Variants in RANBP2 observed in about 807,000 individuals in gnomAD.
The protein encoded by RANBP2 is E3 SUMO-protein ligase RanBP2.
Under a neutral mutation model 303.6 loss-of-function variants are expected in RANBP2, and 57 were observed. The ratio of observed to expected loss-of-function variants is 0.19; its 90% CI spans 0.15 to 0.23. RANBP2 has a LOEUF of 0.23. Among genes scored for constraint, RANBP2 ranks in the 10% least tolerant of loss-of-function variants. The pLI is 1.00. For missense variants in RANBP2, 3,138 were observed against 3,780.8 expected (o/e 0.83, Z 4.46); for synonymous variants, 1,167 against 1,301.5 (o/e 0.90, Z 2.23).
At chr2:109,128,843 G>C in the RANBP2 span, 443 of 244,624 alleles carry the variant, frequency 1.8e-3, 11 homozygotes, top group South Asian at 0.015. Context: ...CTGCGCAGGA[G>C]AGGTTCCCCG....
the RANBP2 span, among the ~76,000 whole-genome samples, chr2:109,091,627 C>T: frequency 9.7e-3 from 1,480 of 152,272 alleles, 35 homozygotes; most frequent in African/African-American, 0.034. Context: ...TCCCGGATTG[C>T]CCCTGTGGCT....
the RANBP2 span, chr2:108,906,320 C>T: frequency 6.2e-7 from 1 of 1,614,168 alleles, no homozygotes; most frequent in Admixed American, 1.7e-5. Flanking sequence ...TCCACGACTC[C>T]ACACACGTTG....
the RANBP2 span, among the ~76,000 whole-genome samples, chr2:109,389,834 T>C: frequency 2.0e-5 from 3 of 152,062 alleles, no homozygotes; most frequent in African/African-American, 7.3e-5. Flanking sequence ...GGGGGTGCAC[T>C]GTCAGAGAAC....
At chr2:109,380,199 C>A in the RANBP2 span, among the ~76,000 whole-genome samples, 4 of 152,112 alleles carry the variant, frequency 2.6e-5, no homozygotes, top group Non-Finnish European at 5.9e-5. Context: ...GCCTAGGTAC[C>A]GGCTCGCCCT....
At chr2:108,933,610 C>T in the RANBP2 span, among the ~76,000 whole-genome samples, 1 of 152,306 alleles carries the variant, frequency 6.6e-6, no homozygotes, top group South Asian at 2.1e-4. Flanking sequence ...TCAAAAACTG[C>T]CTTTTCCCAC....
Position 108,751,256 on chromosome 2 carries a change from T to C in RANBP2, c.1274-8T>C. ...AACCCTTAAGCCAATTTTTTAATTTTATTTCAGGTGCTATTCGAGCACATA... is the reference window on the plus strand; with the variant it reads ...AACCCTTAAGCCAATTTTTTAATTTCATTTCAGGTGCTATTCGAGCACATA... On this transcript the variant is annotated splice_region_variant and splice_polypyrimidine_tract_variant and intron_variant, in intron 9 of 28. Coordinates refer to ENST00000283195, the MANE Select transcript of RANBP2 (RefSeq NM_006267.5). 6.2e-7 allele frequency: 1 copy of C among 1,611,988 alleles called. No homozygotes were observed. Among genetic ancestry groups the C allele is most frequent in the Non-Finnish European group, 8.5e-7 (1 of 1,179,854 alleles).
At chr2:109,275,176 A>G in the RANBP2 span, among the ~76,000 whole-genome samples, 10 of 152,256 alleles carry the variant, frequency 6.6e-5, no homozygotes, top group East Asian at 1.9e-4. Context: ...GCTTTGCACA[A>G]TCATCATGAA....
the RANBP2 span, among the ~76,000 whole-genome samples, chr2:109,689,746 A>T: frequency 7.2e-5 from 11 of 152,294 alleles, no homozygotes; most frequent in Admixed American, 6.5e-4. Flanking sequence ...ATAGTCAAGC[A>T]CTTAAAGGGA....
At chr2:109,129,946 C>T in the RANBP2 span, 3 of 1,470,024 alleles carry the variant, frequency 2.0e-6, no homozygotes, top group Non-Finnish European at 2.7e-6. Context: ...CGGCAGCCCG[C>T]CCGCGCGTCC....
the RANBP2 span, chr2:108,805,086 CTT>C: frequency 1.1e-5 from 8 of 759,076 alleles, no homozygotes; most frequent in Admixed American, 3.1e-4. Context: ...TAAAGTCAGC[CTT>C]AGAACACGTT....
At chr2:109,529,378 G>A in the RANBP2 span, among the ~76,000 whole-genome samples, 3 of 152,314 alleles carry the variant, frequency 2.0e-5, no homozygotes, top group South Asian at 4.1e-4. Flanking sequence ...AAGGGCGATG[G>A]AAGCTGCGGG....
the RANBP2 span, among the ~76,000 whole-genome samples, chr2:109,489,059 T>G: frequency 5.9e-5 from 9 of 152,100 alleles, no homozygotes; most frequent in Non-Finnish European, 1.3e-4. Flanking sequence ...GGAAACACAT[T>G]GAGAAAAGTG....
chr2:108,800,608 C>CTTTTTTTTTTTTT, the RANBP2 span, among the ~76,000 whole-genome samples: 1 of 33,492 alleles, frequency 3.0e-5, no homozygotes, highest in Non-Finnish European at 4.8e-5. Context: ...CTCAGTTTAG[C>CTTTTTTTTTTTTT]TTTTTTTTTT....
the RANBP2 span, among the ~76,000 whole-genome samples, chr2:109,084,878 G>A: frequency 9.9e-5 from 15 of 152,204 alleles, no homozygotes; most frequent in Non-Finnish European, 1.5e-4. Context: ...TGATGCCTAC[G>A]GAGGGAGGCA....
chr2:108,845,641 G>A, the RANBP2 span, among the ~76,000 whole-genome samples: 3 of 149,994 alleles, frequency 2.0e-5, no homozygotes, highest in Non-Finnish European at 3.0e-5. Context: ...GTGCGACCTC[G>A]GCTCACTGCA....
At chr2:109,565,771 A>T in the RANBP2 span, 7 of 1,613,484 alleles carry the variant, frequency 4.3e-6, no homozygotes, top group Admixed American at 1.0e-4. Context: ...ACCTTGTACA[A>T]CACCCCAAGG....
chr2:109,019,833 TG>T, the RANBP2 span, among the ~76,000 whole-genome samples: 1 of 152,220 alleles, frequency 6.6e-6, no homozygotes, highest in Non-Finnish European at 1.5e-5. Flanking sequence ...TTGCCCACTC[TG>T]GGGTCCGGGG....
chr2:108,829,317 G>A, the RANBP2 span, among the ~76,000 whole-genome samples: 1 of 152,108 alleles, frequency 6.6e-6, no homozygotes, highest in African/African-American at 2.4e-5. Context: ...TTTTAAAAAA[G>A]CAAGCAAAGA....
At chr2:108,811,245 CTCT>C in the RANBP2 span, among the ~76,000 whole-genome samples, 56 of 109,610 alleles carry the variant, frequency 5.1e-4, 4 homozygotes, top group South Asian at 3.9e-3. Flanking sequence ...CTTTCTCTCT[CTCT>C]TTTTTTTTTT....
Sources: allele counts gnomAD v4.1 joint callset (sites outside exome capture counted in the v4.1 genomes callset), GRCh38; gene constraint gnomAD v4.1.1; transcripts MANE v1.5; gene names NCBI Gene and HGNC (gene_info 2026-07-23, HGNC 2026-07-21).